Variants in GULP1 observed in about 807,000 individuals in gnomAD.
GULP1 encodes GULP PTB domain containing engulfment adaptor 1.
GULP1 carries 19 observed loss-of-function variants against 40.9 expected under a neutral mutation model. The observed-to-expected ratio is 0.46, with a 90% CI of 0.32 to 0.68. The LOEUF (loss-of-function observed/expected upper bound fraction) is 0.68. GULP1 is among the 30% of genes least tolerant of loss of function. GULP1 has a pLI of 0.03. For synonymous variants in GULP1, 119 were observed against 117.6 expected (o/e 1.01, Z -0.08); for missense variants, 312 against 362.2 (o/e 0.86, Z 1.12).
chr2:188,477,753 A>T, intron 3 of GULP1, 23 bp downstream of exon 3: 1 of 1,580,138 alleles, frequency 6.3e-7, no homozygotes, highest in Non-Finnish European at 8.6e-7. Context: ...ATTTTTTAAA[A>T]CTTGGGAGTC....
At chr2:188,412,891 A>G (rs2054094441) in intron 2 of GULP1, among the ~76,000 whole-genome samples, 1 of 152,210 alleles carries the variant, frequency 6.6e-6, no homozygotes, top group South Asian at 2.1e-4. Context: ...TATAATTTGT[A>G]CTTTCATATG....
chr2:188,325,035 C>A (rs929672377), intron 1 of GULP1, among the ~76,000 whole-genome samples: 7 of 151,620 alleles, frequency 4.6e-5, no homozygotes, highest in South Asian at 2.1e-4. Context: ...ACACACACAC[C>A]CACACCCACA....
intron 1 of GULP1, among the ~76,000 whole-genome samples, chr2:188,325,478 G>A (rs567621272): frequency 2.6e-5 from 4 of 152,100 alleles, no homozygotes; most frequent in Admixed American, 1.3e-4. Flanking sequence ...TACGATATTC[G>A]TGATTTAAGC....
At chr2:188,495,290 T>C (rs1470109070) in intron 4 of GULP1, among the ~76,000 whole-genome samples, 1 of 152,056 alleles carries the variant, frequency 6.6e-6, no homozygotes, top group African/African-American at 2.4e-5. Flanking sequence ...AGACTATACC[T>C]ACATATATGC....
At chr2:188,361,701 C>A (rs546876254) in intron 1 of GULP1, among the ~76,000 whole-genome samples, 1 of 151,932 alleles carries the variant, frequency 6.6e-6, no homozygotes, top group Non-Finnish European at 1.5e-5. Flanking sequence ...ACTTTGTTGG[C>A]GGAAAATTGA....
rs188839488 is a variant in GULP1 at position 188,434,285 on chromosome 2, A to G, written c.-44-43374A>G. On this transcript the variant is annotated intron_variant, in intron 2 of 11. Coordinates refer to ENST00000409830, the MANE Select transcript of GULP1 (RefSeq NM_016315.4). ...TATTTTTCTTTCTCCTTTATAAAAA[A>G]TGCCTTGGAGTTCTTTCCCTACATT... Among the ~76,000 whole-genome samples the G allele has an allele frequency of 2.1e-4, 32 of 151,312 alleles. 1 individual carries two copies. Among genetic ancestry groups the G allele is most frequent in the African/African-American group, 7.7e-4 (32 of 41,326 alleles).
intron 6 of GULP1, among the ~76,000 whole-genome samples, chr2:188,538,694 AGT>A (rs113650180): frequency 0.015 from 2,183 of 143,986 alleles, 17 homozygotes; most frequent in Middle Eastern, 0.032. Flanking sequence ...TGTGTGTGTG[AGT>A]GTGTGTGTGT....
At position 188,595,622 on chromosome 2, in the gene GULP1, A is replaced by G. The variant is rs888438815; in HGVS notation, c.*1611A>G. 1 of 152,090 alleles carries G rather than the reference A, an allele frequency of 6.6e-6. No homozygotes were observed. The highest frequency in any genetic ancestry group is 1.5e-5 in the Non-Finnish European group (1 of 67,730). 9.4% of individuals were successfully genotyped at this position (152,090 alleles called of 1,614,324 possible). On this transcript the variant is annotated 3_prime_UTR_variant, in exon 12 of 12. Coordinates refer to ENST00000409830, the MANE Select transcript of GULP1 (RefSeq NM_016315.4). ...ATAAGTGGCTTTTTTTAACAGATAG[A>G]ATTTGTATTTTTATTGTACTTTAAA... is the stretch of plus-strand genomic sequence containing the variant.
At chr2:188,385,048 T>C (rs1350391447) in intron 2 of GULP1, among the ~76,000 whole-genome samples, 1 of 152,108 alleles carries the variant, frequency 6.6e-6, no homozygotes, top group East Asian at 1.9e-4. Flanking sequence ...ATGGTGGCCC[T>C]CTTCTCACAG....
At chr2:188,573,507 T>A (rs528947790) in intron 9 of GULP1, among the ~76,000 whole-genome samples, 2 of 152,362 alleles carry the variant, frequency 1.3e-5, no homozygotes, top group South Asian at 2.1e-4. Flanking sequence ...GTTTTACATC[T>A]GTTCTTTCTT....
chr2:188,537,522 C>G (rs773550970), intron 6 of GULP1, among the ~76,000 whole-genome samples: 26 of 152,038 alleles, frequency 1.7e-4, no homozygotes, highest in Non-Finnish European at 2.6e-4. Flanking sequence ...CCTTGCATCC[C>G]AGGAATGAAG....
At chr2:188,316,241 C>T (rs568336358) in intron 1 of GULP1, among the ~76,000 whole-genome samples, 7 of 152,208 alleles carry the variant, frequency 4.6e-5, no homozygotes, top group Admixed American at 3.9e-4. Flanking sequence ...AAGTTTCATC[C>T]TGTGACAAGA....
intron 2 of GULP1, among the ~76,000 whole-genome samples, chr2:188,432,009 T>A (rs1331266731): frequency 6.6e-6 from 1 of 151,570 alleles, no homozygotes. Context: ...CACATCTTAT[T>A]TTGGCATACT....
intron 2 of GULP1, among the ~76,000 whole-genome samples, chr2:188,459,967 A>G (rs983782474): frequency 5.3e-5 from 8 of 151,936 alleles, no homozygotes; most frequent in African/African-American, 1.9e-4. Flanking sequence ...GCGTGGATTT[A>G]TTTCTGAATT....
chr2:188,345,147 A>G (rs1327964520), intron 1 of GULP1, among the ~76,000 whole-genome samples: 1 of 152,088 alleles, frequency 6.6e-6, no homozygotes, highest in Non-Finnish European at 1.5e-5. Flanking sequence ...TTTTGTTTTC[A>G]TGACCAGTTT....
intron 2 of GULP1, among the ~76,000 whole-genome samples, chr2:188,415,593 C>G (rs2054476329): frequency 6.6e-6 from 1 of 151,518 alleles, no homozygotes; most frequent in African/African-American, 2.4e-5. Context: ...AAAGGTATTG[C>G]AATAGGAGGC....
At chr2:188,372,167 G>A (rs1002828707) in intron 1 of GULP1, among the ~76,000 whole-genome samples, 1 of 152,056 alleles carries the variant, frequency 6.6e-6, no homozygotes, top group African/African-American at 2.4e-5. Flanking sequence ...ATAATGTATT[G>A]TGCTGACTTG....
At chr2:188,352,432 G>T (rs1218605951) in intron 1 of GULP1, among the ~76,000 whole-genome samples, 1 of 151,962 alleles carries the variant, frequency 6.6e-6, no homozygotes, top group African/African-American at 2.4e-5. Context: ...TACTCCATTG[G>T]CTTTCCTGAT....
At chr2:188,408,543 G>A (rs2053443567) in intron 2 of GULP1, among the ~76,000 whole-genome samples, 1 of 152,148 alleles carries the variant, frequency 6.6e-6, no homozygotes, top group Non-Finnish European at 1.5e-5. Flanking sequence ...GACCTGAAGA[G>A]AGAGATAGAC....
Sources: gnomAD v4.1 joint callset for allele counts (sites outside exome capture counted in the v4.1 genomes callset) on GRCh38, gnomAD v4.1.1 for gene constraint, MANE v1.5 for transcripts, NCBI Gene and HGNC (gene_info 2026-07-23, HGNC 2026-07-21) for gene names.